The following YWHAZ variants were observed in gnomAD, a reference collection of about 807,000 sequenced individuals.
The protein encoded by YWHAZ is 14-3-3 protein zeta/delta.
For synonymous variants in YWHAZ, 87 were observed against 103.6 expected (o/e 0.84, Z 0.97); for missense variants, 79 against 284.8 (o/e 0.28, Z 5.20).
In YWHAZ at chr8:100,951,925, T is replaced by C. The variant is rs890190104; in HGVS notation, c.-12+4A>G. 1.1e-5 allele frequency: 11 copies of C among 998,124 alleles called. 1 individual carries two copies. Among genetic ancestry groups the C allele is most frequent in the Non-Finnish European group, 1.1e-5 (9 of 838,440 alleles). 61.8% of individuals were successfully genotyped at this position (998,124 alleles called of 1,614,324 possible). ...CGAGGCGCGGCGGCGGCCGGGTTCC[T>C]CACCTGTGTCCGGAGTGGGTGGTGG... is the stretch of plus-strand genomic sequence containing the variant. On this transcript the variant is annotated splice_donor_region_variant and intron_variant, in intron 1 of 5. Coordinates refer to ENST00000395958, the MANE Select transcript of YWHAZ (RefSeq NM_145690.3).
chr8:100,925,426 T>C (rs1813292241), intron 2 of YWHAZ, among the ~76,000 whole-genome samples: 1 of 152,146 alleles, frequency 6.6e-6, no homozygotes, highest in Non-Finnish European at 1.5e-5. Context: ...AGAAAGAACA[T>C]ACGGGATGAA....
chr8:100,951,377 G>A (rs980606069), intron 1 of YWHAZ: 245 of 983,792 alleles, frequency 2.5e-4, no homozygotes, highest in Non-Finnish European at 2.8e-4. Flanking sequence ...TCCCGCCGCC[G>A]CAGCGCCCAG....
At position 100,918,792 on chromosome 8, in the gene YWHAZ, T is replaced by G. The variant is rs911025654; in HGVS notation, c.*1901A>C. On this transcript the variant is annotated 3_prime_UTR_variant, in exon 6 of 6. Coordinates refer to ENST00000395958, the MANE Select transcript of YWHAZ (RefSeq NM_145690.3). ...GCACAATAGAACATACAGAAAACAT[T>G]GTCCCTGCTCTTGAGGAGCTTACAT... 2.0e-4 allele frequency: 31 copies of G among 152,532 alleles called. 1 individual carries two copies. Among genetic ancestry groups the G allele is most frequent in the African/African-American group, 7.0e-4 (29 of 41,412 alleles). The allele number at this position is 152,532 out of a possible 1,614,324, so 9.4% of individuals were successfully genotyped here. A position where few individuals can be genotyped will look rare whatever the true frequency, so the allele number is the denominator to read the frequency against.
At position 100,948,177 on chromosome 8, in the gene YWHAZ, A is replaced by G; in HGVS notation, c.294+419T>C. ...AACATTATAGCGGCTAATCCTGAGA[A>G]GAGTACTATTTCTACAATGAGTATC... On this transcript the variant is annotated intron_variant, in intron 2 of 5. Transcript: ENST00000395958. This position sits in a 1 kb window ranked among gnomAD's most constrained non-coding sequence, Gnocchi z 4.2. The G allele has an allele frequency of 6.6e-7, 1 of 1,515,696 alleles. No individual in the cohort carries two copies. Among genetic ancestry groups the G allele is most frequent in the Non-Finnish European group, 8.8e-7 (1 of 1,135,568 alleles). The allele number at this position is 1,515,696 out of a possible 1,614,324, so 93.9% of individuals were successfully genotyped here.
intron 2 of YWHAZ, among the ~76,000 whole-genome samples, chr8:100,940,995 C>T (rs149990258): frequency 1.1e-3 from 173 of 152,222 alleles, no homozygotes; most frequent in African/African-American, 4.1e-3. Context: ...CATTAGATGG[C>T]AACAATCAAA....
At chr8:100,945,225 C>G (rs1810179811) in intron 2 of YWHAZ, among the ~76,000 whole-genome samples, 2 of 152,302 alleles carry the variant, frequency 1.3e-5, no homozygotes, top group Admixed American at 1.3e-4. Context: ...GTGACCACTT[C>G]CCGCCATAAT....
Position 100,924,995 on chromosome 8 carries a change from C to T in YWHAZ, c.339G>A (p.Glu113=). The part of the protein sequence containing the change: ...KFLIPNASQA[E]SKVFYLKMKG... ...TCATTTTCAAATAGAAGACTTTGCT[C>T]TCTGCTTGTGAAGCATTGGGGATCA... The change falls in exon 3 of 6, where the codon GAG becomes GAA. Residue 113 remains glutamate (E), a synonymous_variant. Coordinates refer to ENST00000395958, the MANE Select transcript of YWHAZ (RefSeq NM_145690.3). This position sits in a 1 kb window ranked among gnomAD's most constrained non-coding sequence, Gnocchi z 5.7. 1 of 1,613,990 alleles carries T rather than the reference C, an allele frequency of 6.2e-7. No homozygotes were observed. The highest frequency in any genetic ancestry group is 8.5e-7 in the Non-Finnish European group (1 of 1,179,974).
At position 100,928,790 on chromosome 8, in the gene YWHAZ, C is replaced by A. The variant is rs1280608423; in HGVS notation, c.295-3751G>T. Among the ~76,000 whole-genome samples, 4 of 151,304 alleles carry A rather than the reference C, an allele frequency of 2.6e-5. No individual in the cohort carries two copies. The East Asian group carries it at 7.7e-4, about 29-fold the overall frequency. ...CAGCCTCAATGGGGTGATATACCTACTAGAAAGGACGTTATTCCACAATCA... is the reference window on the plus strand; with the variant it reads ...CAGCCTCAATGGGGTGATATACCTAATAGAAAGGACGTTATTCCACAATCA... On this transcript the variant is annotated intron_variant, in intron 2 of 5. Transcript: ENST00000395958.
At chr8:100,947,984 G>T in intron 2 of YWHAZ, 1 of 907,714 alleles carries the variant, frequency 1.1e-6, no homozygotes, top group Non-Finnish European at 1.6e-6. Flanking sequence ...AACACAGTAA[G>T]TACTGAATAC....
At chr8:100,927,929 T>A (rs966347863) in intron 2 of YWHAZ, among the ~76,000 whole-genome samples, 5 of 152,314 alleles carry the variant, frequency 3.3e-5, no homozygotes, top group Non-Finnish European at 7.4e-5. Flanking sequence ...GGCCTAATGA[T>A]AGACCAAAAG....
At chr8:100,937,987 G>A (rs1462136915) in intron 2 of YWHAZ, among the ~76,000 whole-genome samples, 2 of 152,118 alleles carry the variant, frequency 1.3e-5, no homozygotes, top group Non-Finnish European at 2.9e-5. Flanking sequence ...AGAATTAGCT[G>A]GGCGTGGTGG....
intron 2 of YWHAZ, among the ~76,000 whole-genome samples, chr8:100,936,751 C>T (rs983875623): frequency 6.6e-6 from 1 of 152,042 alleles, no homozygotes; most frequent in Admixed American, 6.6e-5. Flanking sequence ...CAAAGTGAGC[C>T]AGGATAGCTC....
intron 2 of YWHAZ, among the ~76,000 whole-genome samples, chr8:100,934,561 T>TGTG (rs1814002464): frequency 6.6e-6 from 1 of 151,630 alleles, no homozygotes; most frequent in South Asian, 2.1e-4. Flanking sequence ...ATTAGCTGGG[T>TGTG]GTGGTGGCAG....
chr8:100,931,061 GAT>G (rs1470513140), intron 2 of YWHAZ, among the ~76,000 whole-genome samples: 1 of 145,358 alleles, frequency 6.9e-6, no homozygotes, highest in Non-Finnish European at 1.5e-5. Flanking sequence ...AGATTTTAGA[GAT>G]AAAAGAGATT....
intron 5 of YWHAZ, 55 bp from the exon 6 acceptor site, chr8:100,920,807 G>GGGGC (rs1563666051): frequency 1.0e-5 from 5 of 494,084 alleles, no homozygotes; most frequent in African/African-American, 9.5e-5. Flanking sequence ...GGGGGGGGGG[G>GGGGC]GCGTTTTCAT....
intron 2 of YWHAZ, among the ~76,000 whole-genome samples, chr8:100,945,249 T>C (rs948735518): frequency 6.6e-6 from 1 of 152,240 alleles, no homozygotes; most frequent in Non-Finnish European, 1.5e-5. Context: ...CTATTTACTC[T>C]TGTAATATGC....
chr8:100,938,798 C>T (rs1814393875), intron 2 of YWHAZ, among the ~76,000 whole-genome samples: 1 of 152,210 alleles, frequency 6.6e-6, no homozygotes, highest in Non-Finnish European at 1.5e-5. Context: ...GCAATTTCCT[C>T]ACTTGCTTTC....
upstream of YWHAZ, chr8:100,952,320 G>A (rs1368588550): frequency 8.6e-6 from 2 of 233,652 alleles, no homozygotes; most frequent in East Asian, 1.8e-4. Context: ...TAGGGCAGGA[G>A]GCTGCTTTTT....
At position 100,950,917 on chromosome 8, in the gene YWHAZ, A is replaced by T. The variant is rs73697346; in HGVS notation, c.-12+1012T>A. 9.0e-4 allele frequency: 149 copies of T among 165,574 alleles called. 1 individual carries two copies. The highest frequency in any genetic ancestry group is 3.5e-3 in the African/African-American group (145 of 41,652). 10.3% of individuals were successfully genotyped at this position (165,574 alleles called of 1,614,324 possible). ...GCTATGCTCAGGCTCACCCGCCCCC[A>T]AAGCAGGATATGCGTCCCCAAACCG... On this transcript the variant is annotated intron_variant, in intron 1 of 5. Coordinates refer to ENST00000395958, the MANE Select transcript of YWHAZ (RefSeq NM_145690.3).
Sources: allele counts gnomAD v4.1 joint callset (sites outside exome capture counted in the v4.1 genomes callset), GRCh38; gene constraint gnomAD v4.1.1; non-coding constraint Gnocchi (gnomAD v3.1); transcripts MANE v1.5; gene names NCBI Gene and HGNC (gene_info 2026-07-23, HGNC 2026-07-21).